Variants in LNPK observed in about 807,000 individuals in gnomAD.
LNPK encodes the protein endoplasmic reticulum junction formation protein lunapark.
A neutral mutation model predicts 55.2 loss-of-function variants in LNPK; 29 were observed. The ratio of observed to expected loss-of-function variants is 0.53; its 90% CI spans 0.39 to 0.72. The LOEUF (loss-of-function observed/expected upper bound fraction) is 0.72, where lower values mean the gene tolerates loss of function less well. Among genes scored for constraint, LNPK ranks in the 30% least tolerant of loss-of-function variants. The probability of loss-of-function intolerance (pLI) is 0.00; values close to 1 mark genes in which losing one functional copy is unlikely to be tolerated. For missense variants in LNPK, 467 were observed against 494.8 expected, an observed-to-expected ratio of 0.94 and a Z score of 0.53; for synonymous variants, 162 against 168.2, an observed-to-expected ratio of 0.96 and a Z score of 0.29.
intron 9 of LNPK, among the ~76,000 whole-genome samples, chr2:175,941,305 A>G (rs932925480): frequency 1.4e-5 from 2 of 144,904 alleles, no homozygotes; most frequent in Admixed American, 7.0e-5. Context: ...ATTTATATTT[A>G]TATATAATTG....
At chr2:175,932,298 CAAG>C (rs1684315650) in intron 12 of LNPK, 1 of 402,372 alleles carries the variant, frequency 2.5e-6, no homozygotes, top group East Asian at 7.1e-5. Flanking sequence ...ATGGTTAATA[CAAG>C]GAGGAGAACT....
At chr2:175,971,837 T>C (rs1457377161) in intron 5 of LNPK, among the ~76,000 whole-genome samples, 2 of 152,244 alleles carry the variant, frequency 1.3e-5, no homozygotes, top group African/African-American at 4.8e-5. Context: ...ATCTGTACTT[T>C]AATCCAAGGG....
chr2:175,981,081 T>C (rs1357013007), intron 4 of LNPK, among the ~76,000 whole-genome samples: 1 of 152,206 alleles, frequency 6.6e-6, no homozygotes, highest in Non-Finnish European at 1.5e-5. Context: ...GGAGTTAACC[T>C]GCAAGTAGTC....
At chr2:175,988,985 C>G (rs952982942) in intron 4 of LNPK, among the ~76,000 whole-genome samples, 2 of 152,154 alleles carry the variant, frequency 1.3e-5, no homozygotes, top group Non-Finnish European at 2.9e-5. Flanking sequence ...CCGTGTTAGC[C>G]AGGATGGTCC....
At position 175,949,721 on chromosome 2, in the gene LNPK, C is replaced by T. The variant is rs75016096; in HGVS notation, c.494-2029G>A. Among the ~76,000 whole-genome samples the T allele has an allele frequency of 1.7e-4, 26 of 151,938 alleles. No individual in the cohort carries two copies. In the East Asian group the frequency reaches 5.0e-3, roughly 29 times the overall value. Reference sequence around the variant, plus strand: ...GAGATGTACCTTAATAATTCTAAATCTAAATTTAGGAAAAGGGGGAAAATG... The same window carrying T: ...GAGATGTACCTTAATAATTCTAAATTTAAATTTAGGAAAAGGGGGAAAATG... On this transcript the variant is annotated intron_variant, in intron 8 of 12. Transcript: ENST00000272748.
chr2:175,938,433 T>TA, intron 10 of LNPK, 50 bp from the exon 11 acceptor site: 1 of 1,031,430 alleles, frequency 9.7e-7, no homozygotes, highest in Non-Finnish European at 1.4e-6. Context: ...CAAACAAAGC[T>TA]CATGACAGAG....
At chr2:175,930,910 A>G (rs1684253343) in intron 12 of LNPK, among the ~76,000 whole-genome samples, 1 of 152,162 alleles carries the variant, frequency 6.6e-6, no homozygotes, top group Non-Finnish European at 1.5e-5. Context: ...AGTTAAGGGT[A>G]CTAGTCCCTA....
chr2:175,963,635 A>G (rs918379597), intron 8 of LNPK, among the ~76,000 whole-genome samples: 2 of 152,174 alleles, frequency 1.3e-5, no homozygotes, highest in African/African-American at 4.8e-5. Context: ...GTGCACCAAC[A>G]TGGCACATAT....
chr2:175,977,294 T>C (rs891754555), intron 5 of LNPK, among the ~76,000 whole-genome samples: 5 of 152,182 alleles, frequency 3.3e-5, no homozygotes, highest in African/African-American at 1.2e-4. Flanking sequence ...TATTTAAATT[T>C]AAGCTATTTA....
intron 12 of LNPK, chr2:175,932,261 A>C: frequency 2.3e-6 from 1 of 439,680 alleles, no homozygotes; most frequent in Non-Finnish European, 4.6e-6. Context: ...AGCCGATTTA[A>C]TGTACAAATT....
At chr2:175,964,005 CA>C (rs1415612068) in intron 8 of LNPK, among the ~76,000 whole-genome samples, 1 of 151,812 alleles carries the variant, frequency 6.6e-6, no homozygotes, top group Non-Finnish European at 1.5e-5. Flanking sequence ...GAAATCATAA[CA>C]TTTTTCAAAA....
intron 4 of LNPK, among the ~76,000 whole-genome samples, chr2:175,987,036 T>C (rs1687450968): frequency 6.7e-6 from 1 of 150,102 alleles, no homozygotes; most frequent in African/African-American, 2.4e-5. Context: ...ACAGATTATA[T>C]GATTGCATAC....
rs77633316 is a variant in LNPK, at chr2:175,952,915, T to C, written c.494-5223A>G. ...AACCATGCTAGGCACTATATATGAATTTACTAATTTCATCTACTATTTATA... is the reference window on the plus strand; with the variant it reads ...AACCATGCTAGGCACTATATATGAACTTACTAATTTCATCTACTATTTATA... On this transcript the variant is annotated intron_variant, in intron 8 of 12. Coordinates refer to ENST00000272748, the MANE Select transcript of LNPK (RefSeq NM_030650.3). Among the ~76,000 whole-genome samples, 25 of 152,196 alleles carry C rather than the reference T, an allele frequency of 1.6e-4. No homozygotes were observed. The East Asian group carries it at 4.8e-3, about 29-fold the overall frequency.
At chr2:175,955,107 C>G (rs1213618582) in intron 8 of LNPK, among the ~76,000 whole-genome samples, 1 of 152,114 alleles carries the variant, frequency 6.6e-6, no homozygotes, top group South Asian at 2.1e-4. Flanking sequence ...CCTTTGTTAT[C>G]TATATTAAAG....
chr2:175,925,008 T>C lies in LNPK; in HGVS notation c.*4959A>G, dbSNP rs887964295. The C allele has an allele frequency of 3.3e-5, 5 of 152,036 alleles. No individual in the cohort carries two copies. Among genetic ancestry groups the C allele is most frequent in the Admixed American group, 6.6e-5 (1 of 15,260 alleles). The allele number at this position is 152,036 out of a possible 1,614,324, so 9.4% of individuals were successfully genotyped here. ...TCCATGCTCAAAACACCTCCAGCAA[T>C]GGGGATCAAATTTCAACATGAGATT... On this transcript the variant is annotated 3_prime_UTR_variant, in exon 13 of 13. Transcript: ENST00000272748.
intron 8 of LNPK, among the ~76,000 whole-genome samples, chr2:175,962,517 C>G (rs896800011): frequency 1.6e-4 from 25 of 152,346 alleles, no homozygotes; most frequent in African/African-American, 5.3e-4. Context: ...AAAGCTGAAA[C>G]TGCATCCCTT....
chr2:175,947,451 C>T (rs764813967), intron 9 of LNPK, 29 bp downstream of exon 9: 5 of 1,579,198 alleles, frequency 3.2e-6, no homozygotes, highest in Non-Finnish European at 3.5e-6. Flanking sequence ...ACAATATAAA[C>T]TGTAAATAAC....
Position 175,939,579 on chromosome 2 carries a change from T to C in LNPK, c.785A>G (p.Tyr262Cys), listed in dbSNP as rs766545501. The C allele has an allele frequency of 3.7e-6, 6 of 1,600,338 alleles. No individual in the cohort carries two copies. The highest frequency in any genetic ancestry group is 3.3e-5 in the South Asian group (3 of 90,060). The part of the protein sequence containing the change: ...ERGALDRIVE[Y>C]LVGDGPQNRY... ...GTTTTGTGGACCATCACCAACCAAATATTCAACAATTCTATCCAAAGCACC... is the reference window on the plus strand; with the variant it reads ...GTTTTGTGGACCATCACCAACCAAACATTCAACAATTCTATCCAAAGCACC... The change falls in exon 10 of 13, where the codon TAT (tyrosine) becomes TGT (cysteine). Residue 262 changes from tyrosine to cysteine, a missense_variant. Transcript: ENST00000272748.
intron 1 of LNPK, among the ~76,000 whole-genome samples, 162 bp downstream of exon 1, chr2:176,001,998 A>AG (rs1270187075): frequency 6.6e-6 from 1 of 152,228 alleles, no homozygotes; most frequent in Non-Finnish European, 1.5e-5. Flanking sequence ...ACCACCGCGC[A>AG]GCCTGACTAG....
Sources: allele counts gnomAD v4.1 joint callset (sites outside exome capture counted in the v4.1 genomes callset), GRCh38; gene constraint gnomAD v4.1.1; transcripts MANE v1.5; gene names NCBI Gene and HGNC (gene_info 2026-07-23, HGNC 2026-07-21).